Variants in ZDHHC14 observed in about 807,000 individuals in gnomAD.
The protein encoded by ZDHHC14 is palmitoyltransferase ZDHHC14.
ZDHHC14 carries 16 observed loss-of-function variants against 47.7 expected under a neutral mutation model. That is an observed-to-expected ratio of 0.34 (90% CI 0.23 to 0.51). The LOEUF is 0.51. Ranked by LOEUF, ZDHHC14 falls within the 20% of genes least tolerant of loss-of-function variation. ZDHHC14 has a pLI of 0.97. For synonymous variants in ZDHHC14, 293 were observed against 278.9 expected (o/e 1.05, Z -0.50); for missense variants, 515 against 662.5 (o/e 0.78, Z 2.44).
Position 157,677,144 on chromosome 6 carries a change from G to A in ZDHHC14, c.*4022G>A, listed in dbSNP as rs1394471984. ...CTAGCATATTCTTGTCCAAAAGAGA[G>A]AGACTTTCAAATGAATTCCTATTCC... is the stretch of plus-strand genomic sequence containing the variant. On this transcript the variant is annotated 3_prime_UTR_variant, in exon 9 of 9. Transcript: ENST00000359775. The A allele has an allele frequency of 3.3e-5, 5 of 151,442 alleles. No homozygotes were observed. The highest frequency in any genetic ancestry group is 3.3e-4 in the Admixed American group (5 of 15,192). The allele number at this position is 151,442 out of a possible 1,614,324, so 9.4% of individuals were successfully genotyped here.
intron 2 of ZDHHC14, among the ~76,000 whole-genome samples, chr6:157,575,975 C>T (rs1393622428): frequency 6.6e-6 from 1 of 152,208 alleles, no homozygotes; most frequent in Non-Finnish European, 1.5e-5. Context: ...CCTGGCCTCC[C>T]CAACCCTTCC....
intron 1 of ZDHHC14, among the ~76,000 whole-genome samples, chr6:157,447,860 G>A (rs1176102546): frequency 5.3e-5 from 8 of 152,030 alleles, no homozygotes; most frequent in South Asian, 4.1e-4. Flanking sequence ...TCTTGTCAGC[G>A]GTGTTTAAAA....
intron 5 of ZDHHC14, among the ~76,000 whole-genome samples, chr6:157,639,128 A>G (rs1777122793): frequency 6.6e-6 from 1 of 152,228 alleles, no homozygotes; most frequent in Non-Finnish European, 1.5e-5. Flanking sequence ...GCACTTACAC[A>G]CCCAAGTGTG....
intron 1 of ZDHHC14, among the ~76,000 whole-genome samples, chr6:157,531,600 A>C (rs1781370621): frequency 1.4e-5 from 2 of 147,942 alleles, no homozygotes; most frequent in Admixed American, 6.7e-5. Flanking sequence ...CCACCCCCCA[A>C]CCCCCACACT....
chr6:157,632,530 A>G (rs1785791180), intron 4 of ZDHHC14: 2 of 395,262 alleles, frequency 5.1e-6, no homozygotes, highest in East Asian at 4.1e-5. Context: ...CTGTTTTCCT[A>G]TTAAAATGAG....
At chr6:157,423,398 C>T (rs1337929862) in intron 1 of ZDHHC14, among the ~76,000 whole-genome samples, 1 of 152,064 alleles carries the variant, frequency 6.6e-6, no homozygotes. Flanking sequence ...CTGGGAAGAC[C>T]TAGACTTTTT....
chr6:157,555,295 C>T (rs35943585), intron 2 of ZDHHC14, among the ~76,000 whole-genome samples: 32,853 of 152,070 alleles, frequency 0.22, 3,993 homozygotes, highest in Middle Eastern at 0.33. Context: ...CGGAGCTGGT[C>T]ACAAATGGTT....
At chr6:157,482,769 G>A (rs188366911) in intron 1 of ZDHHC14, among the ~76,000 whole-genome samples, 1 of 149,490 alleles carries the variant, frequency 6.7e-6, no homozygotes, top group African/African-American at 2.5e-5. Context: ...TTGAGATGGA[G>A]TCTTGCTCTG....
intron 1 of ZDHHC14, among the ~76,000 whole-genome samples, chr6:157,391,603 C>A (rs975640596): frequency 1.3e-5 from 2 of 152,146 alleles, no homozygotes; most frequent in African/African-American, 4.8e-5. Context: ...CCACATATGG[C>A]CATTAATGTG....
chr6:157,494,893 G>T (rs1426300347), intron 1 of ZDHHC14, among the ~76,000 whole-genome samples: 1 of 151,986 alleles, frequency 6.6e-6, no homozygotes, highest in East Asian at 1.9e-4. Context: ...GGCAAATAAT[G>T]CTCATCGATA....
chr6:157,651,328 C>T (rs1402236768), intron 7 of ZDHHC14, among the ~76,000 whole-genome samples: 2 of 152,202 alleles, frequency 1.3e-5, no homozygotes, highest in Non-Finnish European at 2.9e-5. Context: ...TAGCCTCTGT[C>T]GGCCCATGGT....
chr6:157,637,179 C>G (rs1337699775), intron 5 of ZDHHC14, among the ~76,000 whole-genome samples: 2 of 152,206 alleles, frequency 1.3e-5, no homozygotes, highest in East Asian at 1.9e-4. Flanking sequence ...TGGTGCCTGT[C>G]TTTCCTCTGG....
intron 3 of ZDHHC14, among the ~76,000 whole-genome samples, chr6:157,610,248 C>T (rs761033092): frequency 5.3e-5 from 8 of 152,114 alleles, no homozygotes; most frequent in Non-Finnish European, 8.8e-5. Flanking sequence ...ATCAAGACCA[C>T]GGTGAAACCT....
In ZDHHC14 at chr6:157,643,383, G is replaced by A. The variant is rs555149664; in HGVS notation, c.753-2354G>A. 1.7e-3 allele frequency among the ~76,000 whole-genome samples: 256 copies of A among 152,114 alleles called. 2 individuals carry two copies. The highest frequency in any genetic ancestry group is 3.5e-4 in the Non-Finnish European group (24 of 67,994). ...TGAGATATTAATAGAAAAGCTGGCCGGGCATGGTGGCTCACACCTGTAATC... is the reference window on the plus strand; with the variant it reads ...TGAGATATTAATAGAAAAGCTGGCCAGGCATGGTGGCTCACACCTGTAATC... On this transcript the variant is annotated intron_variant, in intron 5 of 8. Transcript: ENST00000359775.
At chr6:157,515,630 A>C (rs1173671106) in intron 1 of ZDHHC14, among the ~76,000 whole-genome samples, 1 of 151,474 alleles carries the variant, frequency 6.6e-6, no homozygotes, top group Non-Finnish European at 1.5e-5. Context: ...CGCCCGGCTA[A>C]TTTTTTCGTG....
intron 3 of ZDHHC14, among the ~76,000 whole-genome samples, chr6:157,606,887 A>C (rs1053007617): frequency 2.0e-5 from 3 of 152,204 alleles, no homozygotes; most frequent in Non-Finnish European, 4.4e-5. Context: ...TTTAATGAAT[A>C]TGGGAAACAC....
At chr6:157,416,219 T>G (rs1777968925) in intron 1 of ZDHHC14, among the ~76,000 whole-genome samples, 1 of 152,240 alleles carries the variant, frequency 6.6e-6, no homozygotes, top group African/African-American at 2.4e-5. Context: ...AGTCCCCTAA[T>G]TCATATCACT....
intron 1 of ZDHHC14, among the ~76,000 whole-genome samples, chr6:157,522,696 T>C (rs1780968675): frequency 7.0e-6 from 1 of 143,128 alleles, no homozygotes; most frequent in Admixed American, 6.9e-5. Flanking sequence ...CTGTAAGAAG[T>C]TTTTTTTCTT....
At chr6:157,670,212 G>A (rs984988940) in intron 8 of ZDHHC14, among the ~76,000 whole-genome samples, 2 of 152,216 alleles carry the variant, frequency 1.3e-5, no homozygotes, top group African/African-American at 4.8e-5. Context: ...GCTTGGAGAA[G>A]CACCGCCGTG....
Sources: allele counts gnomAD v4.1 joint callset (sites outside exome capture counted in the v4.1 genomes callset), GRCh38; gene constraint gnomAD v4.1.1; transcripts MANE v1.5; gene names NCBI Gene and HGNC (gene_info 2026-07-23, HGNC 2026-07-21).